Variants in RUNX1T1 observed in about 807,000 individuals in gnomAD.
RUNX1T1 encodes RUNX1 partner transcriptional co-repressor 1.
Under a neutral mutation model 62.8 loss-of-function variants are expected in RUNX1T1, and 4 were observed. The observed-to-expected ratio is 0.06, with a 90% CI of 0.03 to 0.15. The LOEUF (loss-of-function observed/expected upper bound fraction) is 0.15, where lower values mean the gene tolerates loss of function less well. RUNX1T1 is among the 10% of genes least tolerant of loss of function. The pLI is 1.00. For synonymous variants in RUNX1T1, 291 were observed against 286.0 expected, an observed-to-expected ratio of 1.02 and a Z score of -0.18; for missense variants, 508 against 754.3, an observed-to-expected ratio of 0.67 and a Z score of 3.82.
At chr8:91,963,198 C>T (rs1810888500) in intron 10 of RUNX1T1, among the ~76,000 whole-genome samples, 1 of 152,132 alleles carries the variant, frequency 6.6e-6, no homozygotes, top group Non-Finnish European at 1.5e-5. Flanking sequence ...TGGTTCTGAT[C>T]CAGGAGTTAA....
intron 1 of RUNX1T1, among the ~76,000 whole-genome samples, chr8:92,023,185 T>C (rs1221400024): frequency 6.6e-6 from 1 of 152,220 alleles, no homozygotes; most frequent in African/African-American, 2.4e-5. Flanking sequence ...CCTTCTCTTC[T>C]AATAGGCACT....
At chr8:92,051,158 T>C (rs1830171932) in intron 1 of RUNX1T1, among the ~76,000 whole-genome samples, 1 of 152,144 alleles carries the variant, frequency 6.6e-6, no homozygotes, top group South Asian at 2.1e-4. Flanking sequence ...CCAATACAAA[T>C]GCCTGGAGAG....
intron 1 of RUNX1T1, 99 bp from the exon 2 acceptor site, chr8:92,076,236 A>T: frequency 3.3e-6 from 3 of 920,876 alleles, no homozygotes; most frequent in Non-Finnish European, 4.3e-6. Context: ...CAGTTTTGTT[A>T]TGTTTTGTTT....
intron 1 of RUNX1T1, among the ~76,000 whole-genome samples, chr8:92,057,484 T>C (rs1831226043): frequency 1.3e-5 from 2 of 152,206 alleles, no homozygotes; most frequent in African/African-American, 2.4e-5. Flanking sequence ...TCAGAAAGTA[T>C]ACACAGTGCC....
intron 1 of RUNX1T1, among the ~76,000 whole-genome samples, chr8:92,097,368 C>T (rs902558815): frequency 1.3e-5 from 2 of 152,164 alleles, no homozygotes; most frequent in African/African-American, 4.8e-5. Context: ...AGATTTCTAG[C>T]GTATCACTTT....
intron 2 of RUNX1T1, among the ~76,000 whole-genome samples, chr8:92,073,765 T>C (rs1385805712): frequency 6.6e-6 from 1 of 152,198 alleles, no homozygotes; most frequent in Non-Finnish European, 1.5e-5. Context: ...GGTGCAATCA[T>C]CGCTCACTGC....
chr8:91,980,002 TTAAG>T (rs1814866413), intron 8 of RUNX1T1: 2 of 295,724 alleles, frequency 6.8e-6, no homozygotes, highest in Non-Finnish European at 1.4e-5. Flanking sequence ...AAAGAAAGAG[TTAAG>T]TAATTTTATC....
At chr8:92,079,285 A>G (rs1834879365) in intron 1 of RUNX1T1, among the ~76,000 whole-genome samples, 1 of 152,220 alleles carries the variant, frequency 6.6e-6, no homozygotes, top group Non-Finnish European at 1.5e-5. Flanking sequence ...GAACAAATGT[A>G]CACTTAGTTT....
At chr8:92,004,923 C>A (rs893556703) in intron 5 of RUNX1T1, 193 bp downstream of exon 6, 4 of 507,206 alleles carry the variant, frequency 7.9e-6, no homozygotes, top group Non-Finnish European at 1.4e-5. Flanking sequence ...AAAAGCCAAA[C>A]TGTCCCAGGC....
intron 1 of RUNX1T1, chr8:92,095,561 A>C: frequency 6.9e-7 from 1 of 1,454,096 alleles, no homozygotes; most frequent in Non-Finnish European, 9.0e-7. Context: ...AGATGGAGGC[A>C]GGAAAATAAA....
At chr8:91,990,615 A>C (rs1817468238) in intron 6 of RUNX1T1, among the ~76,000 whole-genome samples, 1 of 151,914 alleles carries the variant, frequency 6.6e-6, no homozygotes, top group Admixed American at 6.6e-5. Flanking sequence ...TTTGTTCTAT[A>C]GAAGGCAATG....
upstream of RUNX1T1, among the ~76,000 whole-genome samples, chr8:92,063,985 C>T (rs1038341024): frequency 1.3e-5 from 2 of 152,152 alleles, no homozygotes; most frequent in African/African-American, 4.8e-5. Flanking sequence ...CTCAACATGT[C>T]CTTTACTTAC....
At chr8:92,089,925 TAAAAAAAAA>T (rs36052605) in intron 1 of RUNX1T1, among the ~76,000 whole-genome samples, 3 of 80,160 alleles carry the variant, frequency 3.7e-5, no homozygotes, top group Admixed American at 1.6e-4. Context: ...TCCCTGAATT[TAAAAAAAAA>T]AAAAAAAAAA....
At chr8:92,057,371 T>C (rs1831207397) in intron 1 of RUNX1T1, among the ~76,000 whole-genome samples, 1 of 152,196 alleles carries the variant, frequency 6.6e-6, no homozygotes, top group Non-Finnish European at 1.5e-5. Context: ...CTCTACCATT[T>C]AACTTTACCT....
At chr8:92,043,282 T>C (rs1828785707) in intron 1 of RUNX1T1, among the ~76,000 whole-genome samples, 2 of 152,150 alleles carry the variant, frequency 1.3e-5, no homozygotes, top group African/African-American at 2.4e-5. Flanking sequence ...TTTCCAAGAT[T>C]AGATGAGATA....
rs779639152 is a variant in RUNX1T1, at chr8:91,986,335, A to G, written c.997-10T>C. The G allele has an allele frequency of 1.3e-6, 2 of 1,596,446 alleles. No individual in the cohort carries two copies. Among genetic ancestry groups the G allele is most frequent in the East Asian group, 4.5e-5 (2 of 44,774 alleles). The stretch of plus-strand genomic sequence containing the variant: ...TTATGCAGTTTAACAGCTATTTGGG[A>G]AAGGGGAGAATAGGGAAGAGCATAT... On this transcript the variant is annotated splice_polypyrimidine_tract_variant and intron_variant, in intron 7 of 10. Transcript: ENST00000396218.
chr8:92,078,036 T>C (rs1563914277), intron 1 of RUNX1T1, among the ~76,000 whole-genome samples: 1 of 152,162 alleles, frequency 6.6e-6, no homozygotes, highest in African/African-American at 2.4e-5. Flanking sequence ...AACATGGTGA[T>C]AACAAAGTAT....
intron 8 of RUNX1T1, among the ~76,000 whole-genome samples, chr8:91,984,258 T>A (rs915706932): frequency 6.6e-6 from 1 of 152,200 alleles, no homozygotes; most frequent in Non-Finnish European, 1.5e-5. Context: ...ACATGATATA[T>A]ACCTATATCA....
chr8:92,102,976 C>G (rs1431557465), upstream of RUNX1T1: 2 of 1,412,822 alleles, frequency 1.4e-6, no homozygotes, highest in African/African-American at 2.9e-5. This position sits in a 1 kb window ranked among gnomAD's most constrained non-coding sequence, Gnocchi z 4.5. Context: ...GCTTCCCTCG[C>G]GAGGCCAGAG....
Sources: allele counts gnomAD v4.1 joint callset (sites outside exome capture counted in the v4.1 genomes callset), GRCh38; gene constraint gnomAD v4.1.1; non-coding constraint Gnocchi (gnomAD v3.1); transcripts MANE v1.5; gene names NCBI Gene and HGNC (gene_info 2026-07-23, HGNC 2026-07-21).